PXMP2: variants seen among roughly 807,000 people sequenced by gnomAD.
The protein encoded by PXMP2 is 22 kDa peroxisomal membrane protein.
PXMP2 carries 13 observed loss-of-function variants against 20.2 expected under a neutral mutation model. That is an observed-to-expected ratio of 0.64 (90% confidence interval 0.42 to 1.02). The LOEUF is 1.02. Among genes scored for constraint, PXMP2 ranks in the 50% least tolerant of loss-of-function variants. The pLI is 0.00. For synonymous variants in PXMP2, 113 were observed against 111.2 expected, an observed-to-expected ratio of 1.02 and a Z score of -0.10; for missense variants, 284 against 251.8, an observed-to-expected ratio of 1.13 and a Z score of -0.87.
Position 132,697,517 on chromosome 12 carries a change from C to T in PXMP2, c.399+1471C>T, listed in dbSNP as rs1018435296. On this transcript the variant is annotated intron_variant, in intron 3 of 4. Coordinates refer to ENST00000317479, the MANE Select transcript of PXMP2 (RefSeq NM_018663.3). ...CTGCCTCCCGGGTTCAAACGATTCT[C>T]CTGCCTCAGCCTCCTGAGTAGCTGG... Among the ~76,000 whole-genome samples, 6 of 151,866 alleles carry T rather than the reference C, an allele frequency of 4.0e-5. No homozygotes were observed. In the East Asian group the frequency reaches 1.2e-3, roughly 30 times the overall value.
intron 3 of PXMP2, among the ~76,000 whole-genome samples, chr12:132,699,903 G>A (rs953568808): frequency 1.3e-5 from 2 of 152,102 alleles, no homozygotes; most frequent in African/African-American, 2.4e-5. Context: ...TTGCTGGATC[G>A]AATGGTGGTT....
chr12:132,691,078 A>G (rs1194911644), intron 2 of PXMP2, among the ~76,000 whole-genome samples: 7 of 146,102 alleles, frequency 4.8e-5, no homozygotes, highest in Non-Finnish European at 9.0e-5. Context: ...TTGAGACGGA[A>G]TCTCACTCTG....
In PXMP2 at chr12:132,704,884, C is replaced by A; in HGVS notation, c.*197C>A. ...CTTTTAAAAAGGCAGTCGCTGCCTT[C>A]AGGTGGTGCTGCCCCAGAAACTTAA... On this transcript the variant is annotated 3_prime_UTR_variant, in exon 5 of 5. Transcript: ENST00000317479. The A allele has an allele frequency of 1.6e-6, 1 of 609,682 alleles. No homozygotes were observed. Among genetic ancestry groups the A allele is most frequent in the Admixed American group, 2.8e-5 (1 of 35,198 alleles). 37.8% of individuals were successfully genotyped at this position (609,682 alleles called of 1,614,324 possible).
intron 3 of PXMP2, 81 bp from the exon 4 acceptor site, chr12:132,701,169 A>G (rs1401313078): frequency 1.9e-6 from 3 of 1,573,238 alleles, no homozygotes; most frequent in African/African-American, 2.7e-5. Flanking sequence ...TTTAAAAACC[A>G]TCACGATAGG....
intron 4 of PXMP2, 131 bp downstream of exon 4, chr12:132,701,500 G>C (rs11831302): frequency 8.0e-7 from 1 of 1,257,810 alleles, no homozygotes; most frequent in Non-Finnish European, 1.1e-6. Flanking sequence ...GTAGTTTTCC[G>C]CTAGACTTAG....
rs547479060 is a variant in PXMP2 at position 132,694,569 on chromosome 12, G to T, written c.237-1315G>T. Among the ~76,000 whole-genome samples the T allele has an allele frequency of 2.6e-4, 23 of 86,908 alleles. 1 individual carries two copies. The highest frequency in any genetic ancestry group is 1.5e-3 in the Admixed American group (13 of 8,816). 57.0% of individuals were successfully genotyped at this position (86,908 alleles called of 152,430 possible). On this transcript the variant is annotated intron_variant, in intron 2 of 4. Coordinates refer to ENST00000317479, the MANE Select transcript of PXMP2 (RefSeq NM_018663.3). ...CGCCCTTGCCAGTTAGTTAGTGAGC[G>T]CCCTTGCCAGTTAGTTAGTGAGCTC...
Position 132,690,480 on chromosome 12 carries a change from T to G in PXMP2, c.236+104T>G, listed in dbSNP as rs1365096523. On this transcript the variant is annotated intron_variant, in intron 2 of 4. Transcript: ENST00000317479. The stretch of plus-strand genomic sequence containing the variant: ...AGTACTCTTATTTGGAAATATAATT[T>G]TTTAAAAACCATTGTAGTAATCATC... The G allele has an allele frequency of 5.7e-6, 5 of 869,602 alleles. No individual in the cohort carries two copies. In the East Asian group the frequency reaches 1.3e-4, roughly 23 times the overall value. 53.9% of individuals were successfully genotyped at this position (869,602 alleles called of 1,614,324 possible).
At chr12:132,699,077 C>A (rs1003918736) in intron 3 of PXMP2, among the ~76,000 whole-genome samples, 12 of 152,004 alleles carry the variant, frequency 7.9e-5, no homozygotes, top group African/African-American at 2.4e-4. Context: ...GATTTTCAAC[C>A]CTCTTCTCCC....
intron 3 of PXMP2, among the ~76,000 whole-genome samples, chr12:132,698,544 C>G (rs1426130488): frequency 6.6e-6 from 1 of 152,200 alleles, no homozygotes; most frequent in Non-Finnish European, 1.5e-5. Flanking sequence ...TTCTCATTAC[C>G]ATTTATTGGG....
At position 132,696,716 on chromosome 12, in the gene PXMP2, C is replaced by T. The variant is rs113415341; in HGVS notation, c.399+670C>T. On this transcript the variant is annotated intron_variant, in intron 3 of 4. Transcript: ENST00000317479. This position sits in a 1 kb window ranked among gnomAD's most constrained non-coding sequence, Gnocchi z 4.4. ...TTGGGAGGCTGAGGCAGGAGAATGG[C>T]GTGAACCCGGGAGGTGGAGCTTGCC... 7.3e-3 allele frequency among the ~76,000 whole-genome samples: 1,111 copies of T among 152,258 alleles called. 12 individuals are homozygous for T. The highest frequency in any genetic ancestry group is 0.026 in the African/African-American group (1,064 of 41,562).
chr12:132,693,260 TGCCCTTGCCAGTTAGTTAAGTGAGC>T (rs2043383982), intron 2 of PXMP2, among the ~76,000 whole-genome samples: 1 of 66,556 alleles, frequency 1.5e-5, no homozygotes, highest in Non-Finnish European at 3.4e-5. Flanking sequence ...AGTTAGTGAG[TGCCCTTGCCAGTTAGTTAAGTGAGC>T]GCCCTTAGCC....
chr12:132,693,286 G>A (rs554025385), intron 2 of PXMP2, among the ~76,000 whole-genome samples: 3 of 52,704 alleles, frequency 5.7e-5, no homozygotes, highest in Non-Finnish European at 8.6e-5. Context: ...TTAAGTGAGC[G>A]CCCTTAGCCA....
At chr12:132,690,114 A>T in intron 1 of PXMP2, 149 bp from the exon 2 acceptor site, 1 of 609,562 alleles carries the variant, frequency 1.6e-6, no homozygotes, top group South Asian at 2.1e-5. Context: ...TTTTGATACA[A>T]GAACTATACA....
At position 132,701,345 on chromosome 12, in the gene PXMP2, C is replaced by T. The variant is rs749048328; in HGVS notation, c.495C>T (p.Ile165=). ...GGGTGTGGACGCCACTACAGTTCAT[C>T]AACATCAACTACGTCCCTCTGAAGG... ...NWRVWTPLQF[I]NINYVPLKFR... The change falls in exon 4 of 5, where the codon ATC becomes ATT. Residue 165 remains isoleucine, a synonymous_variant. Coordinates refer to ENST00000317479, the MANE Select transcript of PXMP2 (RefSeq NM_018663.3). 3 of 1,613,014 alleles carry T rather than the reference C, an allele frequency of 1.9e-6. No homozygotes were observed. In the African/African-American group the frequency reaches 4.0e-5, roughly 22 times the overall value.
At chr12:132,688,157 G>A (rs944301375) in intron 1 of PXMP2, 157 of 81,290 alleles carry the variant, frequency 1.9e-3, no homozygotes, top group Middle Eastern at 5.2e-3. Flanking sequence ...GCGGGTCTGC[G>A]GGGCGCGGGT....
Position 132,690,345 on chromosome 12 carries a change from G to A in PXMP2, c.205G>A (p.Val69Ile). The change falls in exon 2 of 5, where the codon GTC becomes ATC. Residue 69 changes from valine (V) to isoleucine (I), a missense_variant. Transcript: ENST00000317479. ...AAAAGAAAACTCTAGAAGTCTGGAT[G>A]TCGGTGGGCCTCTGAGATATGCCGT... Reference protein sequence around the residue: ...RKKENSRSLDVGGPLRYAVYG... With the variant: ...RKKENSRSLDIGGPLRYAVYG... The A allele has an allele frequency of 6.2e-7, 1 of 1,613,514 alleles. No homozygotes were observed. Among genetic ancestry groups the A allele is most frequent in the Non-Finnish European group, 8.5e-7 (1 of 1,179,794 alleles).
chr12:132,690,457 T>C (rs2043359901), intron 2 of PXMP2, 81 bp downstream of exon 2: 1 of 1,010,812 alleles, frequency 9.9e-7, no homozygotes, highest in South Asian at 1.5e-5. Flanking sequence ...GTAGTTGGAG[T>C]ACTCTTATTT....
At position 132,704,709 on chromosome 12, in the gene PXMP2, G is replaced by T. The variant is rs1027123209; in HGVS notation, c.*22G>T. The T allele has an allele frequency of 8.2e-6, 13 of 1,590,102 alleles. No individual in the cohort carries two copies. The highest frequency in any genetic ancestry group is 1.3e-5 in the African/African-American group (1 of 74,108). ...GTGACGACCGCTGGGAGAACATCAG[G>T]TGCACTGTGGACGTGGGTCTGGGGG... On this transcript the variant is annotated 3_prime_UTR_variant, in exon 5 of 5. Transcript: ENST00000317479.
intron 2 of PXMP2, among the ~76,000 whole-genome samples, chr12:132,693,508 T>C (rs2043385764): frequency 1.1e-5 from 1 of 89,156 alleles, no homozygotes; most frequent in African/African-American, 4.0e-5. Flanking sequence ...CCTTGCCAGT[T>C]AGTTAGTGAG....
Sources: allele counts gnomAD v4.1 joint callset (sites outside exome capture counted in the v4.1 genomes callset), GRCh38; gene constraint gnomAD v4.1.1; non-coding constraint Gnocchi (gnomAD v3.1); transcripts MANE v1.5; gene names NCBI Gene and HGNC (gene_info 2026-07-23, HGNC 2026-07-21).